Variants in METTL15 observed in about 807,000 individuals in gnomAD.
METTL15 encodes the protein methyltransferase 15, mitochondrial 12S rRNA N4-cytidine.
METTL15 carries 34 observed loss-of-function variants against 38.3 expected under a neutral mutation model. That is an observed-to-expected ratio of 0.89 (90% CI 0.68 to 1.18). METTL15 has a LOEUF of 1.18. Among genes scored for constraint, METTL15 ranks in the 50% most tolerant of loss-of-function variants. The probability of loss-of-function intolerance (pLI) is 0.00; values close to 1 mark genes in which losing one functional copy is unlikely to be tolerated. For missense variants in METTL15, 438 were observed against 498.4 expected, an observed-to-expected ratio of 0.88 and a Z score of 1.15; for synonymous variants, 162 against 170.9, an observed-to-expected ratio of 0.95 and a Z score of 0.41.
intron 4 of METTL15, among the ~76,000 whole-genome samples, chr11:28,243,311 T>G (rs1854379321): frequency 6.6e-6 from 1 of 152,186 alleles, no homozygotes; most frequent in South Asian, 2.1e-4. Flanking sequence ...TTGTGACTTC[T>G]TTTGGCCGTA....
intron 4 of METTL15, among the ~76,000 whole-genome samples, chr11:28,354,474 C>T (rs1370837401): frequency 1.3e-5 from 2 of 151,972 alleles, no homozygotes; most frequent in African/African-American, 2.4e-5. Flanking sequence ...GATTGGATGT[C>T]GTTTTAGATT....
intron 5 of METTL15, among the ~76,000 whole-genome samples, chr11:28,368,143 C>CA (rs1421370868): frequency 0.022 from 1,888 of 86,928 alleles, 31 homozygotes; most frequent in African/African-American, 0.06. Context: ...AAAAAAAAAA[C>CA]AAAAAAAACA....
chr11:28,277,317 A>G (rs905252166), intron 4 of METTL15, among the ~76,000 whole-genome samples: 1 of 152,208 alleles, frequency 6.6e-6, no homozygotes, highest in African/African-American at 2.4e-5. Context: ...TAGCAAAGAT[A>G]TGGAATCAAT....
intron 6 of METTL15, among the ~76,000 whole-genome samples, chr11:28,525,565 CAG>C (rs1851803265): frequency 6.6e-6 from 1 of 152,020 alleles, no homozygotes; most frequent in South Asian, 2.1e-4. Flanking sequence ...CAGCTAGACA[CAG>C]AGCGCTGATT....
intron 3 of METTL15, among the ~76,000 whole-genome samples, chr11:28,173,389 T>C (rs571586721): frequency 6.6e-6 from 1 of 152,278 alleles, no homozygotes; most frequent in East Asian, 1.9e-4. Context: ...GCACCATCTG[T>C]GAACCGGGAA....
chr11:28,252,339 T>A (rs1345970024), intron 4 of METTL15, among the ~76,000 whole-genome samples: 1 of 152,102 alleles, frequency 6.6e-6, no homozygotes, highest in African/African-American at 2.4e-5. Flanking sequence ...CAAAGAACAT[T>A]TAGTACTGCC....
chr11:28,385,529 GT>G (rs1850430731), intron 5 of METTL15, among the ~76,000 whole-genome samples: 1 of 152,048 alleles, frequency 6.6e-6, no homozygotes, highest in Admixed American at 6.6e-5. Context: ...GTACCATGCT[GT>G]TTTGGTTACT....
intron 5 of METTL15, among the ~76,000 whole-genome samples, chr11:28,423,202 C>A (rs910434874): frequency 2.0e-5 from 3 of 151,966 alleles, no homozygotes; most frequent in Admixed American, 6.6e-5. Flanking sequence ...CTAACAAATG[C>A]TTTCAAGGAT....
intron 6 of METTL15, among the ~76,000 whole-genome samples, chr11:28,510,924 G>T: frequency 6.6e-6 from 1 of 152,144 alleles, no homozygotes; most frequent in East Asian, 1.9e-4. Context: ...ATGACAAGTT[G>T]GACAGGCTGG....
At chr11:28,125,394 G>A (rs1852431679) in intron 3 of METTL15, 4 of 151,954 alleles carry the variant, frequency 2.6e-5, no homozygotes, top group Admixed American at 2.6e-4. Flanking sequence ...TCTGTGTATA[G>A]ATTGACACTA....
chr11:28,255,983 A>T (rs564888697), intron 4 of METTL15, among the ~76,000 whole-genome samples: 1 of 152,308 alleles, frequency 6.6e-6, no homozygotes, highest in African/African-American at 2.4e-5. Context: ...GATTACAGGC[A>T]TGAGCCACCG....
chr11:28,235,736 A>G (rs1853927620), intron 4 of METTL15, among the ~76,000 whole-genome samples: 1 of 152,124 alleles, frequency 6.6e-6, no homozygotes, highest in South Asian at 2.1e-4. Context: ...TAGATATACA[A>G]TCATGTCATC....
At chr11:28,235,969 G>A (rs1333378210) in intron 4 of METTL15, among the ~76,000 whole-genome samples, 1 of 151,554 alleles carries the variant, frequency 6.6e-6, no homozygotes, top group Admixed American at 6.6e-5. Flanking sequence ...TTATTATTTT[G>A]AGATACGTCC....
chr11:28,134,822 C>T (rs1196116163), intron 3 of METTL15, among the ~76,000 whole-genome samples: 2 of 152,200 alleles, frequency 1.3e-5, no homozygotes, highest in Admixed American at 1.3e-4. Context: ...CCAATGTGCT[C>T]AGATAGCTGG....
At chr11:28,357,978 T>G (rs1396811675) in intron 4 of METTL15, among the ~76,000 whole-genome samples, 1 of 152,064 alleles carries the variant, frequency 6.6e-6, no homozygotes, top group African/African-American at 2.4e-5. Context: ...ATGTTAACAT[T>G]ATGTGGGAAA....
intron 3 of METTL15, chr11:28,125,430 T>C (rs1244611299): frequency 1.3e-5 from 2 of 152,082 alleles, no homozygotes; most frequent in Admixed American, 6.6e-5. Context: ...GCTGATGATA[T>C]TATATCTGAG....
intron 6 of METTL15, among the ~76,000 whole-genome samples, chr11:28,327,288 C>T (rs981924732): frequency 1.3e-5 from 2 of 152,172 alleles, no homozygotes; most frequent in Non-Finnish European, 2.9e-5. Context: ...GAGAAGGCCC[C>T]AGAAGGAAAG....
intron 6 of METTL15, among the ~76,000 whole-genome samples, chr11:28,477,043 G>A (rs1291572737): frequency 6.6e-6 from 1 of 152,146 alleles, no homozygotes; most frequent in Non-Finnish European, 1.5e-5. Flanking sequence ...CAGGAAGAGA[G>A]GGTAGCATAG....
At chr11:28,160,734 A>C (rs956092792) in intron 3 of METTL15, among the ~76,000 whole-genome samples, 1 of 152,146 alleles carries the variant, frequency 6.6e-6, no homozygotes, top group South Asian at 2.1e-4. Flanking sequence ...TCTTAACAAT[A>C]ATGGTAACAA....
Sources: allele counts gnomAD v4.1 joint callset (sites outside exome capture counted in the v4.1 genomes callset), GRCh38; gene constraint gnomAD v4.1.1; transcripts MANE v1.5; gene names NCBI Gene and HGNC (gene_info 2026-07-23, HGNC 2026-07-21).